The following DLG2 variants were observed in gnomAD, a reference collection of about 807,000 sequenced individuals.
The protein encoded by DLG2 is disks large homolog 2.
A neutral mutation model predicts 132.5 loss-of-function variants in DLG2; 45 were observed. The ratio of observed to expected loss-of-function variants is 0.34; its 90% CI spans 0.27 to 0.44. The LOEUF (loss-of-function observed/expected upper bound fraction) is 0.44, where lower values mean the gene tolerates loss of function less well. Among genes scored for constraint, DLG2 ranks in the 20% least tolerant of loss-of-function variants. DLG2 has a pLI of 1.00. For missense variants in DLG2, 1,045 were observed against 1,196.9 expected (o/e 0.87, Z 1.87); for synonymous variants, 424 against 419.6 (o/e 1.01, Z -0.13).
At chr11:84,095,271 C>A (rs1250821511) in intron 10 of DLG2, among the ~76,000 whole-genome samples, 1 of 152,060 alleles carries the variant, frequency 6.6e-6, no homozygotes, top group Admixed American at 6.6e-5. Flanking sequence ...TTATTGAGCA[C>A]CAATTATGTG....
intron 3 of DLG2, among the ~76,000 whole-genome samples, chr11:85,416,286 G>A (rs940768249): frequency 4.6e-5 from 7 of 152,102 alleles, no homozygotes; most frequent in Non-Finnish European, 1.0e-4. Context: ...CTTCTGTTCT[G>A]TTCCATTAGT....
chr11:84,162,741 T>C (rs973157742), intron 9 of DLG2, among the ~76,000 whole-genome samples: 1 of 152,184 alleles, frequency 6.6e-6, no homozygotes, highest in African/African-American at 2.4e-5. Context: ...TAAGTTTCTG[T>C]CAATTGGACA....
intron 19 of DLG2, among the ~76,000 whole-genome samples, chr11:83,590,646 A>G (rs1020712153): frequency 3.3e-5 from 5 of 152,194 alleles, no homozygotes; most frequent in Admixed American, 2.6e-4. Flanking sequence ...AAATCAGAGC[A>G]GAACTGAAGG....
chr11:84,945,851 G>A (rs1455247800), intron 6 of DLG2, among the ~76,000 whole-genome samples: 1 of 152,084 alleles, frequency 6.6e-6, no homozygotes, highest in Non-Finnish European at 1.5e-5. Context: ...TCCAGGATCT[G>A]GATTTGGGAA....
chr11:83,482,166 TATAA>T (rs1485207174), intron 22 of DLG2, among the ~76,000 whole-genome samples: 3 of 152,114 alleles, frequency 2.0e-5, no homozygotes, highest in Admixed American at 2.0e-4. Flanking sequence ...TTTTTAAAAA[TATAA>T]ATATCTTTTA....
intron 7 of DLG2, among the ~76,000 whole-genome samples, chr11:84,531,538 A>T (rs1238153323): frequency 2.0e-5 from 3 of 152,226 alleles, no homozygotes; most frequent in Non-Finnish European, 4.4e-5. Flanking sequence ...TAGCATAAAC[A>T]ACACCTCGAG....
intron 11 of DLG2, among the ~76,000 whole-genome samples, chr11:83,981,286 T>C (rs138242246): frequency 0.02 from 3,058 of 152,276 alleles, 82 homozygotes; most frequent in African/African-American, 0.062. Flanking sequence ...TTATATTTCC[T>C]AGCATTTATT....
intron 18 of DLG2, among the ~76,000 whole-genome samples, chr11:83,742,274 T>A (rs936011131): frequency 5.9e-5 from 9 of 151,626 alleles, no homozygotes; most frequent in Admixed American, 5.9e-4. Flanking sequence ...GCTATGTTAA[T>A]TTGACTGACT....
At chr11:84,712,998 G>A (rs2060620775) in intron 6 of DLG2, among the ~76,000 whole-genome samples, 1 of 152,066 alleles carries the variant, frequency 6.6e-6, no homozygotes, top group Non-Finnish European at 1.5e-5. Flanking sequence ...AAATGATAGT[G>A]TGAATACTAT....
intron 6 of DLG2, among the ~76,000 whole-genome samples, chr11:84,774,316 C>A (rs887106046): frequency 1.3e-5 from 2 of 151,998 alleles, no homozygotes; most frequent in Non-Finnish European, 2.9e-5. Context: ...ATGGAATAAT[C>A]TTCAATGCTC....
chr11:84,168,036 A>C (rs545649036), intron 8 of DLG2, among the ~76,000 whole-genome samples: 1 of 152,372 alleles, frequency 6.6e-6, no homozygotes, highest in African/African-American at 2.4e-5. Context: ...ATATCAAAGC[A>C]TTCACTTTTT....
At chr11:84,742,221 T>C (rs1450133278) in intron 6 of DLG2, among the ~76,000 whole-genome samples, 1 of 152,156 alleles carries the variant, frequency 6.6e-6, no homozygotes, top group African/African-American at 2.4e-5. Flanking sequence ...GGTATAGACA[T>C]TATATTCAAT....
rs526990 is a variant in DLG2 at position 85,309,749 on chromosome 11, C to A, written c.41-24384G>T. ...TTCTTTACATGTACTGTTCTCTCCA[C>A]CTGAAAATTTCTTCTACTTTTTATC... On this transcript the variant is annotated intron_variant, in intron 3 of 27. Coordinates refer to ENST00000376104, the MANE Select transcript of DLG2 (RefSeq NM_001142699.3). Among the ~76,000 whole-genome samples the A allele has an allele frequency of 1.4e-3, 210 of 152,144 alleles. 1 individual carries two copies. In the Middle Eastern group the frequency reaches 0.027, roughly 20 times the overall value.
intron 4 of DLG2, among the ~76,000 whole-genome samples, chr11:85,267,555 A>T (rs1378414714): frequency 6.6e-6 from 1 of 152,178 alleles, no homozygotes; most frequent in Non-Finnish European, 1.5e-5. Flanking sequence ...TGTAGAATTG[A>T]TGTTGTCAAA....
chr11:83,732,390 ACC>A (rs2091179857), intron 18 of DLG2, among the ~76,000 whole-genome samples: 2 of 152,148 alleles, frequency 1.3e-5, no homozygotes, highest in Non-Finnish European at 2.9e-5. Flanking sequence ...GGAGCTTAAT[ACC>A]TACCAAGGTA....
At chr11:84,068,303 T>C (rs1446799042) in intron 10 of DLG2, among the ~76,000 whole-genome samples, 2 of 152,252 alleles carry the variant, frequency 1.3e-5, no homozygotes, top group Non-Finnish European at 2.9e-5. Flanking sequence ...TAATTAATTC[T>C]CCCTTTTGAG....
chr11:85,465,489 T>C (rs1252061241), intron 3 of DLG2, among the ~76,000 whole-genome samples: 1 of 152,072 alleles, frequency 6.6e-6, no homozygotes, highest in South Asian at 2.1e-4. Flanking sequence ...TGGTGTGTGA[T>C]GTTCCCCTTC....
At chr11:85,554,817 A>G (rs1382097478) in intron 3 of DLG2, among the ~76,000 whole-genome samples, 1 of 151,222 alleles carries the variant, frequency 6.6e-6, no homozygotes, top group Non-Finnish European at 1.5e-5. Context: ...GGTCTTTGAG[A>G]TTTTTTTTCG....
At chr11:84,887,408 C>T (rs1433797425) in intron 6 of DLG2, 4 of 152,112 alleles carry the variant, frequency 2.6e-5, no homozygotes, top group Non-Finnish European at 5.9e-5. Context: ...GATTTTATCA[C>T]TGACCATCTG....
Sources: allele counts gnomAD v4.1 joint callset (sites outside exome capture counted in the v4.1 genomes callset), GRCh38; gene constraint gnomAD v4.1.1; transcripts MANE v1.5; gene names NCBI Gene and HGNC (gene_info 2026-07-23, HGNC 2026-07-21).